Variants in RANBP9 observed in about 807,000 individuals in gnomAD.
RANBP9 encodes RAN binding protein 9.
RANBP9 carries 15 observed loss-of-function variants against 84.3 expected under a neutral mutation model. The observed-to-expected ratio is 0.18, with a 90% CI of 0.12 to 0.27. The LOEUF (loss-of-function observed/expected upper bound fraction) is 0.27, where lower values mean the gene tolerates loss of function less well. Ranked by LOEUF, RANBP9 falls within the 10% of genes least tolerant of loss-of-function variation. The pLI is 1.00. For missense variants in RANBP9, 809 were observed against 912.8 expected (o/e 0.89, Z 1.46); for synonymous variants, 392 against 349.6 (o/e 1.12, Z -1.35).
intron 13 of RANBP9, among the ~76,000 whole-genome samples, chr6:13,623,594 C>A (rs989390254): frequency 2.0e-5 from 3 of 152,132 alleles, no homozygotes; most frequent in Non-Finnish European, 4.4e-5. Context: ...AGACAAACAT[C>A]TACAGGGAAT....
chr6:13,635,530 A>G (rs535894043), intron 10 of RANBP9, among the ~76,000 whole-genome samples: 1 of 152,120 alleles, frequency 6.6e-6, no homozygotes, highest in Non-Finnish European at 1.5e-5. Context: ...AAAAACCACT[A>G]TGCGTAATAC....
rs373740508 is a variant in RANBP9, at chr6:13,711,541, C to G, written c.-36G>C. ...ACTCAGCCTGCGGCCACCTCCACCT[C>G]TTCTCTCCTTCCTCCTCTGCTTCCC... On this transcript the variant is annotated 5_prime_UTR_variant, in exon 1 of 14. Coordinates refer to ENST00000011619, the MANE Select transcript of RANBP9 (RefSeq NM_005493.3). The G allele has an allele frequency of 1.7e-5, 21 of 1,240,516 alleles. 1 individual carries two copies. The highest frequency in any genetic ancestry group is 1.9e-5 in the Non-Finnish European group (19 of 987,202). 76.8% of individuals were successfully genotyped at this position (1,240,516 alleles called of 1,614,324 possible).
chr6:13,709,666 T>C (rs1758224469), intron 1 of RANBP9, among the ~76,000 whole-genome samples: 1 of 152,248 alleles, frequency 6.6e-6, no homozygotes, highest in Non-Finnish European at 1.5e-5. Flanking sequence ...TTTGGATGTA[T>C]GGCGAGAATA....
chr6:13,642,684 T>C lies in RANBP9; in HGVS notation c.1113-93A>G, dbSNP rs1164186780. The stretch of plus-strand genomic sequence containing the variant: ...ATAAACAAAATCTATTCTGGTGTTA[T>C]AAAAACGAACCTATTTCCTTGAAAC... On this transcript the variant is annotated intron_variant, in intron 6 of 13. Transcript: ENST00000011619. The C allele has an allele frequency of 3.7e-6, 3 of 807,392 alleles. No homozygotes were observed. In the African/African-American group the frequency reaches 5.4e-5, roughly 15 times the overall value. The allele number at this position is 807,392 out of a possible 1,614,324, so 50.0% of individuals were successfully genotyped here.
chr6:13,692,421 G>C (rs1201170425), intron 2 of RANBP9, among the ~76,000 whole-genome samples: 1 of 143,218 alleles, frequency 7.0e-6, no homozygotes, highest in Admixed American at 7.6e-5. Flanking sequence ...CAGCTACTCG[G>C]AAGGCTGAGG....
At chr6:13,623,647 G>A (rs1465748679) in intron 13 of RANBP9, among the ~76,000 whole-genome samples, 1 of 152,154 alleles carries the variant, frequency 6.6e-6, no homozygotes, top group African/African-American at 2.4e-5. Flanking sequence ...ATCTGGCGAT[G>A]CATCTTTAAC....
chr6:13,625,555 C>T (rs1290045351), intron 13 of RANBP9, 98 bp downstream of exon 13: 4 of 701,608 alleles, frequency 5.7e-6, no homozygotes, highest in African/African-American at 5.3e-5. Flanking sequence ...AAAACATTTT[C>T]CTGATGATTT....
chr6:13,703,437 A>G (rs1214934571), intron 1 of RANBP9, among the ~76,000 whole-genome samples: 2 of 152,244 alleles, frequency 1.3e-5, no homozygotes, highest in Non-Finnish European at 2.9e-5. Context: ...CCTTCCTAGG[A>G]GAAACTGCCT....
intron 2 of RANBP9, among the ~76,000 whole-genome samples, chr6:13,667,853 C>T (rs1283134654): frequency 6.6e-6 from 1 of 152,016 alleles, no homozygotes; most frequent in Non-Finnish European, 1.5e-5. Context: ...AGAACGTATC[C>T]CCATTCTTAC....
chr6:13,640,000 T>C (rs1484181387), intron 8 of RANBP9, among the ~76,000 whole-genome samples: 1 of 152,164 alleles, frequency 6.6e-6, no homozygotes, highest in Non-Finnish European at 1.5e-5. Context: ...ATTTACCAAA[T>C]GGAAATTTAC....
At position 13,642,549 on chromosome 6, in the gene RANBP9, T is replaced by C. The variant is rs1452866962; in HGVS notation, c.1155A>G (p.Thr385=). The change falls in exon 7 of 14, where the codon ACA becomes ACG. Residue 385 remains threonine (T), a synonymous_variant. Coordinates refer to ENST00000011619, the MANE Select transcript of RANBP9 (RefSeq NM_005493.3). ...SYLVHHGYCA[T]AEAFARSTDQ... ...CTGTAGATCTGGCAAAGGCCTCTGC[T>C]GTGGCACAGTACCCATGGTGGACTA... The C allele has an allele frequency of 6.2e-7, 1 of 1,611,946 alleles. No homozygotes were observed. Among genetic ancestry groups the C allele is most frequent in the Non-Finnish European group, 8.5e-7 (1 of 1,178,564 alleles).
chr6:13,636,627 T>TG (rs1764945729), intron 10 of RANBP9, among the ~76,000 whole-genome samples: 1 of 152,264 alleles, frequency 6.6e-6, no homozygotes, highest in Non-Finnish European at 1.5e-5. Context: ...TAAAGCATGA[T>TG]GAAGTACTTA....
chr6:13,692,943 G>A (rs1230519718), intron 2 of RANBP9, among the ~76,000 whole-genome samples: 1 of 152,192 alleles, frequency 6.6e-6, no homozygotes, highest in East Asian at 1.9e-4. Flanking sequence ...ACCTTTAAAA[G>A]CCAGCTATAA....
intron 2 of RANBP9, among the ~76,000 whole-genome samples, chr6:13,663,190 T>C (rs953440612): frequency 2.0e-5 from 3 of 151,980 alleles, no homozygotes; most frequent in Non-Finnish European, 4.4e-5. Flanking sequence ...AAACGACATA[T>C]TACTTTCACA....
intron 2 of RANBP9, among the ~76,000 whole-genome samples, chr6:13,668,163 A>C (rs1765693751): frequency 6.6e-6 from 1 of 152,132 alleles, no homozygotes; most frequent in Non-Finnish European, 1.5e-5. Flanking sequence ...CAATTATTAA[A>C]TACTATGAAC....
At chr6:13,638,053 G>C in intron 9 of RANBP9, 98 bp from the exon 10 acceptor site, 1 of 1,113,958 alleles carries the variant, frequency 9.0e-7, no homozygotes, top group Non-Finnish European at 1.2e-6. Context: ...AAGACTTCTA[G>C]AACGTAGGAG....
At chr6:13,638,661 A>G (rs1329605360) in intron 9 of RANBP9, among the ~76,000 whole-genome samples, 1 of 152,072 alleles carries the variant, frequency 6.6e-6, no homozygotes, top group Non-Finnish European at 1.5e-5. Context: ...CGAGACTCCA[A>G]CTCTTTAAAA....
chr6:13,698,996 A>C (rs1270705027), intron 1 of RANBP9, among the ~76,000 whole-genome samples: 8 of 152,232 alleles, frequency 5.3e-5, no homozygotes, highest in Non-Finnish European at 1.5e-5. Context: ...TTTGAAAGTA[A>C]ACAGTCTCTC....
chr6:13,664,527 C>A (rs148932413), intron 2 of RANBP9, among the ~76,000 whole-genome samples: 90 of 151,966 alleles, frequency 5.9e-4, no homozygotes, highest in Admixed American at 1.8e-3. Context: ...AATGTACATA[C>A]ACAGCTTAAT....
Sources: allele counts gnomAD v4.1 joint callset (sites outside exome capture counted in the v4.1 genomes callset), GRCh38; gene constraint gnomAD v4.1.1; transcripts MANE v1.5; gene names NCBI Gene and HGNC (gene_info 2026-07-23, HGNC 2026-07-21).